Variants in SPAG17 observed in about 807,000 individuals in gnomAD.
SPAG17 encodes the protein sperm associated antigen 17.
In SPAG17, 169 loss-of-function variants were observed where a neutral mutation model predicts 273.6. That is an observed-to-expected ratio of 0.62 (90% CI 0.55 to 0.70). The LOEUF is 0.70. Among genes scored for constraint, SPAG17 ranks in the 30% least tolerant of loss-of-function variants. The pLI, the probability that SPAG17 is intolerant of heterozygous loss-of-function variation, is 0.00. For synonymous variants in SPAG17, 825 were observed against 873.2 expected, an observed-to-expected ratio of 0.94 and a Z score of 0.97; for missense variants, 2,557 against 2,627.8, an observed-to-expected ratio of 0.97 and a Z score of 0.59.
intron 13 of SPAG17, among the ~76,000 whole-genome samples, chr1:118,083,439 C>T (rs751981151): frequency 1.3e-5 from 2 of 152,038 alleles, no homozygotes; most frequent in Non-Finnish European, 2.9e-5. Flanking sequence ...TGGTGGGGGA[C>T]TGGGCTGGGA....
At chr1:118,163,115 T>C (rs1660006766) in intron 1 of SPAG17, among the ~76,000 whole-genome samples, 9 of 152,126 alleles carry the variant, frequency 5.9e-5, no homozygotes, top group Admixed American at 5.2e-4. Flanking sequence ...AAAAAGAAAA[T>C]AATTTTTTGT....
At position 117,996,427 on chromosome 1, in the gene SPAG17, A is replaced by G. The variant is rs779379677; in HGVS notation, c.4996T>C (p.Leu1666=). The G allele has an allele frequency of 6.2e-7, 1 of 1,613,172 alleles. No individual in the cohort carries two copies. The highest frequency in any genetic ancestry group is 8.5e-7 in the Non-Finnish European group (1 of 1,179,436). Residue 1666 remains leucine, a synonymous_variant, in exon 34 of 49, where the codon TTG becomes CTG. Transcript: ENST00000336338. Reference sequence around the variant, plus strand: ...ACAGTATTTGATTCTTTATATGCCAAAGATAGATATTCTTCTATGTCACTG... The same window carrying G: ...ACAGTATTTGATTCTTTATATGCCAGAGATAGATATTCTTCTATGTCACTG... ...RDSDIEEYLS[L]AYKESNTVVL... is the part of the protein sequence containing the mutation.
chr1:117,969,867 A>G (rs1654349855), intron 46 of SPAG17, among the ~76,000 whole-genome samples, 189 bp downstream of exon 46: 1 of 152,196 alleles, frequency 6.6e-6, no homozygotes. Flanking sequence ...TACTACATGG[A>G]ATGAATGCCA....
At chr1:118,086,337 C>G (rs1654991729) in intron 12 of SPAG17, among the ~76,000 whole-genome samples, 1 of 152,206 alleles carries the variant, frequency 6.6e-6, no homozygotes, top group Non-Finnish European at 1.5e-5. Flanking sequence ...ATTCATCTCT[C>G]TCTTTTGAGA....
At chr1:118,056,373 TAA>T (rs1179598958) in intron 18 of SPAG17, among the ~76,000 whole-genome samples, 2 of 152,214 alleles carry the variant, frequency 1.3e-5, no homozygotes, top group Non-Finnish European at 2.9e-5. Flanking sequence ...CTGGATTAAC[TAA>T]ACCACTATAG....
At chr1:118,169,048 A>G (rs1188437149) in intron 1 of SPAG17, among the ~76,000 whole-genome samples, 1 of 152,214 alleles carries the variant, frequency 6.6e-6, no homozygotes, top group African/African-American at 2.4e-5. Context: ...CTAGAGCTGA[A>G]ACATGGTCAA....
Position 118,039,349 on chromosome 1 carries a change from C to T in SPAG17, c.3262G>A (p.Gly1088Arg). The T allele has an allele frequency of 1.2e-6, 2 of 1,613,486 alleles. No homozygotes were observed. Among genetic ancestry groups the T allele is most frequent in the East Asian group, 2.2e-5 (1 of 44,850 alleles). The change falls in exon 23 of 49, where the codon GGG (glycine) becomes AGG (arginine). Residue 1088 changes from glycine (G) to arginine (R), a missense_variant. Transcript: ENST00000336338. ...TCTTCCTCTTCTAAATAATAATCCCCTTTCTCTTCCTTTTTCACAATTTCC... is the reference window on the plus strand; with the variant it reads ...TCTTCCTCTTCTAAATAATAATCCCTTTTCTCTTCCTTTTTCACAATTTCC... Reference protein sequence around the residue: ...PKEIVKKEEKGDYYLEEEEEG... With the variant: ...PKEIVKKEEKRDYYLEEEEEG...
At chr1:118,039,626 T>C (rs1023015678) in intron 22 of SPAG17, among the ~76,000 whole-genome samples, 182 bp from the exon 23 acceptor site, 1 of 152,014 alleles carries the variant, frequency 6.6e-6, no homozygotes, top group African/African-American at 2.4e-5. Flanking sequence ...AAGAGAACAA[T>C]AGACACCAGG....
intron 48 of SPAG17, chr1:117,955,105 T>C: frequency 2.2e-6 from 1 of 459,120 alleles, no homozygotes; most frequent in Non-Finnish European, 3.8e-6. Flanking sequence ...ATAAGGAATC[T>C]GGCTTGACTT....
rs370292437 is a variant in SPAG17, at chr1:118,093,346, G to C, written c.1012-29C>G. The C allele has an allele frequency of 3.5e-4, 549 of 1,580,002 alleles. 1 individual carries two copies. The highest frequency in any genetic ancestry group is 4.3e-4 in the Non-Finnish European group (503 of 1,161,506). On this transcript the variant is annotated intron_variant, in intron 7 of 48. Transcript: ENST00000336338. ...CAAGTGAGAGATTTAATGGCAATTG[G>C]TTACTAGTTTTACACTGTTGGAATC...
chr1:117,970,474 T>A (rs1654429980), intron 45 of SPAG17, among the ~76,000 whole-genome samples: 1 of 152,200 alleles, frequency 6.6e-6, no homozygotes, highest in South Asian at 2.1e-4. Flanking sequence ...GTCATTAAGT[T>A]GAAGAATAAA....
At chr1:118,144,652 T>C (rs538947482) in intron 3 of SPAG17, among the ~76,000 whole-genome samples, 1 of 152,320 alleles carries the variant, frequency 6.6e-6, no homozygotes, top group South Asian at 2.1e-4. Flanking sequence ...GGTTTCTAAA[T>C]GTGGAGTGCC....
At chr1:118,157,976 GA>G (rs977102508) in intron 1 of SPAG17, among the ~76,000 whole-genome samples, 4 of 151,742 alleles carry the variant, frequency 2.6e-5, no homozygotes, top group South Asian at 4.2e-4. Context: ...GAGACCCAGG[GA>G]AAAAAAATCA....
chr1:118,145,132 C>A (rs1186474625), intron 3 of SPAG17, among the ~76,000 whole-genome samples: 2 of 152,134 alleles, frequency 1.3e-5, no homozygotes, highest in African/African-American at 4.8e-5. Flanking sequence ...GTAGAGCTGC[C>A]ATTTTAATAA....
At chr1:118,153,584 C>T (rs1268310411) in intron 1 of SPAG17, among the ~76,000 whole-genome samples, 2 of 152,186 alleles carry the variant, frequency 1.3e-5, no homozygotes, top group African/African-American at 4.8e-5. Context: ...CATGGTGGCT[C>T]ATGCCTGTAA....
At chr1:118,069,391 G>T (rs1315689086) in intron 17 of SPAG17, among the ~76,000 whole-genome samples, 1 of 148,742 alleles carries the variant, frequency 6.7e-6, no homozygotes, top group Non-Finnish European at 1.5e-5. Context: ...AGAGCTTGAA[G>T]ATATATTTGG....
intron 31 of SPAG17, 45 bp from the exon 32 acceptor site, chr1:118,005,647 T>C: frequency 7.4e-7 from 1 of 1,345,254 alleles, no homozygotes; most frequent in Admixed American, 3.0e-5. Flanking sequence ...ATTTTCTTGT[T>C]AAATATGTGG....
intron 3 of SPAG17, among the ~76,000 whole-genome samples, chr1:118,148,931 T>C (rs1372660643): frequency 2.0e-5 from 3 of 152,112 alleles, no homozygotes; most frequent in Admixed American, 1.3e-4. Context: ...TGGGAAATAT[T>C]CCCCTCTTCT....
intron 20 of SPAG17, among the ~76,000 whole-genome samples, chr1:118,048,694 G>C (rs552614342): frequency 6.6e-6 from 1 of 152,024 alleles, no homozygotes; most frequent in South Asian, 2.1e-4. Context: ...TCAGGAGTTC[G>C]AGACCAGCCT....
Sources: allele counts gnomAD v4.1 joint callset (sites outside exome capture counted in the v4.1 genomes callset), GRCh38; gene constraint gnomAD v4.1.1; transcripts MANE v1.5; gene names NCBI Gene and HGNC (gene_info 2026-07-23, HGNC 2026-07-21).